HMGCS1: variants seen among roughly 807,000 people sequenced by gnomAD.
HMGCS1 encodes hydroxymethylglutaryl-CoA synthase, cytoplasmic.
A neutral mutation model predicts 52.3 loss-of-function variants in HMGCS1; 9 were observed. The observed-to-expected ratio is 0.17, with a 90% CI of 0.10 to 0.30. The LOEUF is 0.30. Among genes scored for constraint, HMGCS1 ranks in the 10% least tolerant of loss-of-function variants. The probability of loss-of-function intolerance (pLI) is 1.00; values close to 1 mark genes in which losing one functional copy is unlikely to be tolerated. For synonymous variants in HMGCS1, 176 were observed against 214.4 expected (o/e 0.82, Z 1.57); for missense variants, 320 against 620.9 (o/e 0.52, Z 5.15).
intron 10 of HMGCS1, among the ~76,000 whole-genome samples, 187 bp downstream of exon 10, chr5:43,292,287 G>A (rs915193391): frequency 3.3e-5 from 5 of 151,990 alleles, no homozygotes; most frequent in African/African-American, 9.7e-5. Flanking sequence ...CACCGCACCC[G>A]GCCTTTACTG....
chr5:43,303,183 C>T (rs1754401302), intron 2 of HMGCS1, among the ~76,000 whole-genome samples: 1 of 152,200 alleles, frequency 6.6e-6, no homozygotes. Flanking sequence ...TGTGTTACTT[C>T]CCAAATATCT....
At chr5:43,293,639 A>G (rs1415114815) in intron 8 of HMGCS1, 2 of 153,152 alleles carry the variant, frequency 1.3e-5, no homozygotes, top group Non-Finnish European at 2.9e-5. Flanking sequence ...AAAATATTGT[A>G]ATGATCTGTG....
At chr5:43,312,147 G>A (rs1047412287) in intron 1 of HMGCS1, among the ~76,000 whole-genome samples, 2 of 152,188 alleles carry the variant, frequency 1.3e-5, no homozygotes, top group African/African-American at 4.8e-5. Context: ...TAGTATCTGT[G>A]CAATAAAGTC....
Position 43,295,883 on chromosome 5 carries a change from A to C in HMGCS1, c.774T>G (p.Phe258Leu). Residue 258 changes from phenylalanine (F) to leucine (L), a missense_variant, in exon 6 of 11, where the codon TTT becomes TTG. Physicochemically the swap from Phe to Leu is conservative, Grantham distance 22. This residue lies in a region of HMGCS1 where 213 missense variants were observed against 337.4 expected (regional missense o/e 0.63). Coordinates refer to ENST00000325110, the MANE Select transcript of HMGCS1 (RefSeq NM_001098272.3). ...GNDKDFTLNDFGFMIFHSPYC... is the reference protein window; with the variant it reads ...GNDKDFTLNDLGFMIFHSPYC... Reference sequence around the variant, plus strand: ...ATGGTGAGTGAAAGATCATGAAGCCAAAATCATTCAAGGTAAAATCTTTAT... The same window carrying C: ...ATGGTGAGTGAAAGATCATGAAGCCCAAATCATTCAAGGTAAAATCTTTAT... 6.2e-7 allele frequency: 1 copy of C among 1,612,720 alleles called. No homozygotes were observed. Among genetic ancestry groups the C allele is most frequent in the Non-Finnish European group, 8.5e-7 (1 of 1,178,902 alleles).
At chr5:43,294,887 C>A (rs771793677) in intron 6 of HMGCS1, 26 bp from the exon 7 acceptor site, 2 of 1,526,112 alleles carry the variant, frequency 1.3e-6, no homozygotes, top group African/African-American at 1.4e-5. Context: ...TACAGTTTTA[C>A]AGTGTTTAAA....
rs1454549711 is a variant in HMGCS1, at chr5:43,288,508, G to C, written c.*2623C>G. 6.6e-6 allele frequency: 1 copy of C among 152,170 alleles called. No individual in the cohort carries two copies. Among genetic ancestry groups the C allele is most frequent in the Non-Finnish European group, 1.5e-5 (1 of 68,030 alleles). 9.4% of individuals were successfully genotyped at this position (152,170 alleles called of 1,614,324 possible). On this transcript the variant is annotated 3_prime_UTR_variant, in exon 11 of 11. Coordinates refer to ENST00000325110, the MANE Select transcript of HMGCS1 (RefSeq NM_001098272.3). ...GTTTCAACTGTGTCACAAGAGGACA[G>C]AAAGTGGCTGTTTGCATCTGTTTGG...
chr5:43,298,177 C>G lies in HMGCS1; in HGVS notation c.449-43G>C. 1 of 1,545,202 alleles carries G rather than the reference C, an allele frequency of 6.5e-7. No individual in the cohort carries two copies. The highest frequency in any genetic ancestry group is 8.8e-7 in the Non-Finnish European group (1 of 1,134,322). On this transcript the variant is annotated intron_variant, in intron 3 of 10. Coordinates refer to ENST00000325110, the MANE Select transcript of HMGCS1 (RefSeq NM_001098272.3). This position sits in a 1 kb window ranked among gnomAD's most constrained non-coding sequence, Gnocchi z 5.6. Reference sequence around the variant, plus strand: ...TTATTTCACAAGAAGGAATTCAACACTATAACCAAACATGGAAACTGAAGT... The same window carrying G: ...TTATTTCACAAGAAGGAATTCAACAGTATAACCAAACATGGAAACTGAAGT...
At chr5:43,308,247 A>G (rs1205785902) in intron 1 of HMGCS1, among the ~76,000 whole-genome samples, 1 of 152,252 alleles carries the variant, frequency 6.6e-6, no homozygotes, top group East Asian at 1.9e-4. Context: ...CACTGCATGT[A>G]ACAGATTGTG....
rs552721222 is a variant in HMGCS1 at position 43,289,746 on chromosome 5, T to A, written c.*1385A>T. 1.3e-5 allele frequency: 2 copies of A among 152,736 alleles called. No individual in the cohort carries two copies. Among genetic ancestry groups the A allele is most frequent in the South Asian group, 4.1e-4 (2 of 4,828 alleles). 9.5% of individuals were successfully genotyped at this position (152,736 alleles called of 1,614,324 possible). On this transcript the variant is annotated 3_prime_UTR_variant, in exon 11 of 11. Transcript: ENST00000325110. ...CAAGAGTATCTTACAAACACTACTA[T>A]TACATATTACCTTGCAATCTGAAAC...
At chr5:43,294,620 T>A (rs183459610) in intron 7 of HMGCS1, 71 bp downstream of exon 7, 1 of 1,155,990 alleles carries the variant, frequency 8.7e-7, no homozygotes, top group Non-Finnish European at 1.2e-6. Flanking sequence ...TGCTTGACAC[T>A]AGATTTGGTC....
chr5:43,309,093 C>T (rs113627313), intron 1 of HMGCS1, among the ~76,000 whole-genome samples: 316 of 151,942 alleles, frequency 2.1e-3, no homozygotes, highest in African/African-American at 7.2e-3. Flanking sequence ...AAACAAGATT[C>T]CTTCTCCATG....
intron 2 of HMGCS1, among the ~76,000 whole-genome samples, chr5:43,301,527 T>C (rs1435478298): frequency 6.6e-6 from 1 of 152,242 alleles, no homozygotes; most frequent in African/African-American, 2.4e-5. Flanking sequence ...AGGGTAAATG[T>C]AAAGATTTTT....
rs1753578171 is a variant in HMGCS1 at position 43,288,129 on chromosome 5, ATAAAG to A, written c.*2997_*3001del. On this transcript the variant is annotated 3_prime_UTR_variant, in exon 11 of 11. Transcript: ENST00000325110. Reference sequence around the variant, plus strand: ...TAGAATGAATAGTGCTTACTACTGAATAAAGTAGTCCAGGAAAGACATTCTTTTTA... The same window carrying A: ...TAGAATGAATAGTGCTTACTACTGAATAGTCCAGGAAAGACATTCTTTTTA... 1 of 152,226 alleles carries A rather than the reference ATAAAG, an allele frequency of 6.6e-6. No homozygotes were observed. The highest frequency in any genetic ancestry group is 2.1e-4 in the South Asian group (1 of 4,826). 9.4% of individuals were successfully genotyped at this position (152,226 alleles called of 1,614,324 possible). A position where few individuals can be genotyped will look rare whatever the true frequency, so the allele number is the denominator to read the frequency against.
rs186734407 is a variant in HMGCS1, at chr5:43,294,221, G to A, written c.1077-59C>T. 2,081 of 1,066,716 alleles carry A rather than the reference G, an allele frequency of 2.0e-3. 5 individuals are homozygous for A. The highest frequency in any genetic ancestry group is 2.7e-3 in the Non-Finnish European group (1,843 of 688,582). The allele number at this position is 1,066,716 out of a possible 1,614,324, so 66.1% of individuals were successfully genotyped here. ...ACTGATCCAAAGCTACAGCGTGTGG[G>A]AAGCTATAAAAGTAGCAATAAAAAT... On this transcript the variant is annotated intron_variant, in intron 7 of 10. Transcript: ENST00000325110.
Position 43,291,078 on chromosome 5 carries a change from T to TACCCCC in HMGCS1, c.*47_*52dup. 1.2e-6 allele frequency: 1 copy of TACCCCC among 859,348 alleles called. No homozygotes were observed. The allele number at this position is 859,348 out of a possible 1,614,324, so 53.2% of individuals were successfully genotyped here. A position where few individuals can be genotyped will look rare whatever the true frequency, so the allele number is the denominator to read the frequency against. On this transcript the variant is annotated 3_prime_UTR_variant, in exon 11 of 11. Transcript: ENST00000325110. ...TATCCCATTCCTCCAACTGTTCCCATACCCCCACCCCATGCCCACCCCACC... is the reference window on the plus strand; with the variant it reads ...TATCCCATTCCTCCAACTGTTCCCATACCCCCACCCCCACCCCATGCCCACCCCACC...
At chr5:43,308,155 G>C (rs1159788260) in intron 1 of HMGCS1, among the ~76,000 whole-genome samples, 1 of 152,174 alleles carries the variant, frequency 6.6e-6, no homozygotes, top group Non-Finnish European at 1.5e-5. Context: ...AGGTTTTCAA[G>C]AATTGGGGGA....
At chr5:43,302,651 G>A (rs1424848720) in intron 2 of HMGCS1, among the ~76,000 whole-genome samples, 1 of 152,176 alleles carries the variant, frequency 6.6e-6, no homozygotes, top group Non-Finnish European at 1.5e-5. Context: ...ACAGTCAACA[G>A]CCTGAAAGAA....
intron 2 of HMGCS1, among the ~76,000 whole-genome samples, chr5:43,301,829 T>C (rs1754333736): frequency 6.6e-6 from 1 of 152,216 alleles, no homozygotes; most frequent in Non-Finnish European, 1.5e-5. Flanking sequence ...AAACTGTAAC[T>C]GACTAGATGT....
intron 1 of HMGCS1, among the ~76,000 whole-genome samples, chr5:43,312,653 G>C (rs1238081293): frequency 6.6e-6 from 1 of 152,034 alleles, no homozygotes; most frequent in Non-Finnish European, 1.5e-5. Context: ...GAGAGATGTG[G>C]GATTTCAGAA....
Sources: allele counts gnomAD v4.1 joint callset (sites outside exome capture counted in the v4.1 genomes callset), GRCh38; gene constraint gnomAD v4.1.1; regional missense constraint gnomAD v4.1.1; non-coding constraint Gnocchi (gnomAD v3.1); transcripts MANE v1.5; gene names NCBI Gene and HGNC (gene_info 2026-07-23, HGNC 2026-07-21).